The following MED15 variants were observed in gnomAD, a reference collection of about 807,000 sequenced individuals.
MED15 encodes mediator of RNA polymerase II transcription subunit 15.
A neutral mutation model predicts 118.7 loss-of-function variants in MED15; 41 were observed. The observed-to-expected ratio is 0.35, with a 90% confidence interval of 0.27 to 0.45. MED15 has a LOEUF of 0.45. Ranked by LOEUF, MED15 falls within the 20% of genes least tolerant of loss-of-function variation. MED15 has a pLI of 1.00. For missense variants in MED15, 740 were observed against 1,025.5 expected (o/e 0.72, Z 3.80); for synonymous variants, 436 against 413.9 (o/e 1.05, Z -0.65).
intron 6 of MED15, among the ~76,000 whole-genome samples, chr22:20,565,652 C>G (rs769501604): frequency 5.3e-5 from 8 of 152,318 alleles, no homozygotes; most frequent in Non-Finnish European, 1.0e-4. Context: ...TCTCCCAGAG[C>G]TGACAGTGCA....
In MED15 at chr22:20,586,827, T is replaced by G; in HGVS notation, c.*123T>G. 7.2e-7 allele frequency: 1 copy of G among 1,398,494 alleles called. No individual in the cohort carries two copies. Among genetic ancestry groups the G allele is most frequent in the Non-Finnish European group, 9.6e-7 (1 of 1,041,872 alleles). 86.6% of individuals were successfully genotyped at this position (1,398,494 alleles called of 1,614,324 possible). ...TTAGGTTAGCTTTCCTGCTTTTATC[T>G]TCTGCCTTGGGGACCTGCCAAACGA... On this transcript the variant is annotated 3_prime_UTR_variant, in exon 18 of 18. Transcript: ENST00000263205.
chr22:20,516,415 T>C (rs1432820551), intron 1 of MED15, among the ~76,000 whole-genome samples: 15 of 152,090 alleles, frequency 9.9e-5, no homozygotes, highest in Admixed American at 9.8e-4. Context: ...TTTGTTTTTG[T>C]TTTTTGGACC....
At chr22:20,572,244 GTGT>G (rs2056686782) in intron 8 of MED15, among the ~76,000 whole-genome samples, 2 of 152,348 alleles carry the variant, frequency 1.3e-5, no homozygotes, top group Admixed American at 6.5e-5. Flanking sequence ...AGCTCCCCTT[GTGT>G]TGTTCACACA....
intron 2 of MED15, among the ~76,000 whole-genome samples, chr22:20,544,976 C>G (rs371691594): frequency 5.3e-5 from 8 of 152,190 alleles, no homozygotes; most frequent in Non-Finnish European, 8.8e-5. Flanking sequence ...TGGGGTCCAC[C>G]CGCATAACCC....
At position 20,564,483 on chromosome 22, in the gene MED15, A is replaced by T. The variant is rs774755540; in HGVS notation, c.485A>T (p.Gln162Leu). 4 of 1,611,152 alleles carry T rather than the reference A, an allele frequency of 2.5e-6. No homozygotes were observed. Among genetic ancestry groups the T allele is most frequent in the East Asian group, 2.2e-5 (1 of 44,838 alleles). ...CAGCTCCAGCAGGTGGCGCTGCAGC[A>T]GCAGCAGCAACAGCAGCAGTTCCAG... ...QLQLQQVALQ[Q>L]QQQQQQFQQQ... Residue 162 changes from glutamine to leucine, a missense_variant, in exon 6 of 18, where the codon CAG (glutamine) becomes CTG (leucine). Physicochemically the swap from Gln to Leu is moderately radical, Grantham distance 113 (BLOSUM62 -2). Transcript: ENST00000263205.
chr22:20,519,905 G>A (rs779299995), intron 1 of MED15, among the ~76,000 whole-genome samples: 8 of 152,262 alleles, frequency 5.3e-5, no homozygotes, highest in South Asian at 2.1e-4. Context: ...TCTGGGCTTC[G>A]TTTCCTTTTA....
At chr22:20,586,522 G>A in intron 17 of MED15, 46 bp from the exon 18 acceptor site, 4 of 1,598,316 alleles carry the variant, frequency 2.5e-6, no homozygotes, top group Non-Finnish European at 2.6e-6. Context: ...CCAGGAGCGA[G>A]CGCAGCGCCG....
intron 1 of MED15, among the ~76,000 whole-genome samples, chr22:20,524,955 A>C (rs559977009): frequency 6.6e-6 from 1 of 151,948 alleles, no homozygotes; most frequent in Non-Finnish European, 1.5e-5. Flanking sequence ...CCAAATTGCT[A>C]ATAGAGGAGA....
chr22:20,575,736 A>C (rs2056803503), intron 9 of MED15, among the ~76,000 whole-genome samples: 1 of 150,714 alleles, frequency 6.6e-6, no homozygotes, highest in Non-Finnish European at 1.5e-5. Context: ...TTAATGGAAA[A>C]TATATATATA....
chr22:20,576,322 C>T (rs1351753780), intron 9 of MED15, among the ~76,000 whole-genome samples: 1 of 152,262 alleles, frequency 6.6e-6, no homozygotes, highest in Non-Finnish European at 1.5e-5. Context: ...TCCCTGAACG[C>T]CCAGGTGCAG....
intron 1 of MED15, among the ~76,000 whole-genome samples, chr22:20,509,974 C>A (rs2054006803): frequency 6.6e-6 from 1 of 152,106 alleles, no homozygotes; most frequent in South Asian, 2.1e-4. Flanking sequence ...CTGGATACTT[C>A]ATAACTCAGC....
In MED15 at chr22:20,568,640, C is replaced by A; in HGVS notation, c.1152+9C>A. ...TGGCTCCCGGAGTCCAGGTGAGGGC[C>A]TGGGGGTGGAGGGCTCCATAGTCAT... On this transcript the variant is annotated intron_variant, in intron 8 of 17. Coordinates refer to ENST00000263205, the MANE Select transcript of MED15 (RefSeq NM_001003891.3). The A allele has an allele frequency of 6.2e-7, 1 of 1,611,948 alleles. No individual in the cohort carries two copies. Among genetic ancestry groups the A allele is most frequent in the Non-Finnish European group, 8.5e-7 (1 of 1,179,368 alleles).
intron 2 of MED15, among the ~76,000 whole-genome samples, chr22:20,549,615 G>A (rs2055692193): frequency 6.6e-6 from 1 of 152,122 alleles, no homozygotes; most frequent in African/African-American, 2.4e-5. Flanking sequence ...AGATAAACCT[G>A]CCTTTGGGGG....
chr22:20,508,406 A>T, intron 1 of MED15: 2 of 1,303,980 alleles, frequency 1.5e-6, no homozygotes, highest in South Asian at 2.5e-5. Context: ...AGTTTTTTTC[A>T]TGCGCGTCCG....
At chr22:20,533,284 C>T (rs1033058666) in intron 1 of MED15, among the ~76,000 whole-genome samples, 8 of 152,166 alleles carry the variant, frequency 5.3e-5, no homozygotes, top group African/African-American at 1.7e-4. Flanking sequence ...CTCTGAAAAG[C>T]GCCAGGCCAG....
intron 1 of MED15, among the ~76,000 whole-genome samples, chr22:20,526,108 A>G (rs1347318154): frequency 6.6e-6 from 1 of 151,906 alleles, no homozygotes; most frequent in Non-Finnish European, 1.5e-5. Flanking sequence ...TTTTGTAGAG[A>G]TGGGGTTTCA....
chr22:20,538,761 A>G (rs1054553489), intron 2 of MED15, among the ~76,000 whole-genome samples: 2 of 151,972 alleles, frequency 1.3e-5, no homozygotes, highest in Non-Finnish European at 2.9e-5. Context: ...GTGCAGTGGC[A>G]CAATCTCAGC....
chr22:20,520,366 G>T (rs545740268), intron 1 of MED15, among the ~76,000 whole-genome samples: 3 of 152,336 alleles, frequency 2.0e-5, no homozygotes, highest in African/African-American at 7.2e-5. Flanking sequence ...AGCCCCTGTT[G>T]TGAAGTAGAA....
chr22:20,513,854 G>A (rs2054162505), intron 1 of MED15, among the ~76,000 whole-genome samples: 1 of 152,142 alleles, frequency 6.6e-6, no homozygotes, highest in African/African-American at 2.4e-5. Context: ...GAAATTGTTA[G>A]TAGCTTCATG....
Sources: gnomAD v4.1 joint callset for allele counts (sites outside exome capture counted in the v4.1 genomes callset) on GRCh38, gnomAD v4.1.1 for gene constraint, MANE v1.5 for transcripts, NCBI Gene and HGNC (gene_info 2026-07-23, HGNC 2026-07-21) for gene names.